Variants in SLC14A2 observed in about 807,000 individuals in gnomAD.
SLC14A2 encodes urea transporter 2.
Under a neutral mutation model 104.6 loss-of-function variants are expected in SLC14A2, and 91 were observed. The observed-to-expected ratio is 0.87, with a 90% confidence interval of 0.73 to 1.04. The LOEUF is 1.04. Ranked by LOEUF, SLC14A2 falls within the 50% of genes least tolerant of loss-of-function variation. SLC14A2 has a pLI of 0.00. For synonymous variants in SLC14A2, 476 were observed against 466.4 expected (o/e 1.02, Z -0.27); for missense variants, 1,189 against 1,156.0 (o/e 1.03, Z -0.41).
intron 9 of SLC14A2, among the ~76,000 whole-genome samples, chr18:45,643,557 G>A (rs2045568444): frequency 6.6e-6 from 1 of 152,174 alleles, no homozygotes; most frequent in South Asian, 2.1e-4. Context: ...TTGCAAGACA[G>A]GGTCTCGCAC....
At chr18:45,636,784 CA>C (rs369876380) in intron 5 of SLC14A2, among the ~76,000 whole-genome samples, 37 of 143,578 alleles carry the variant, frequency 2.6e-4, no homozygotes, top group African/African-American at 3.8e-4. Flanking sequence ...AATAAATTGG[CA>C]AAAAAAAAAG....
chr18:45,613,121 G>A (rs1010835391), upstream of SLC14A2, among the ~76,000 whole-genome samples: 3 of 152,088 alleles, frequency 2.0e-5, no homozygotes, highest in Non-Finnish European at 2.9e-5. Context: ...TGCAAGCTCC[G>A]CCTCCCAGGT....
chr18:45,624,579 C>T, intron 1 of SLC14A2, 52 bp from the exon 2 acceptor site: 1 of 1,408,080 alleles, frequency 7.1e-7, no homozygotes, highest in East Asian at 2.4e-5. Context: ...TCAGCCAAGT[C>T]CCTCTGGGCC....
chr18:45,622,332 C>G (rs1027816043), intron 1 of SLC14A2, among the ~76,000 whole-genome samples: 3 of 152,094 alleles, frequency 2.0e-5, no homozygotes, highest in Admixed American at 2.0e-4. Flanking sequence ...CCTGAGTTTT[C>G]TGAAGGAATG....
intron 1 of SLC14A2, among the ~76,000 whole-genome samples, chr18:45,260,414 G>A (rs1490209481): frequency 2.6e-5 from 4 of 152,148 alleles, no homozygotes; most frequent in Admixed American, 2.6e-4. Context: ...TTACCATGTT[G>A]CAAGTCAACT....
chr18:45,362,101 A>G (rs941761737), intron 1 of SLC14A2, among the ~76,000 whole-genome samples: 11 of 152,246 alleles, frequency 7.2e-5, no homozygotes, highest in Admixed American at 5.9e-4. Context: ...AGTTCTCACA[A>G]GATATCATGG....
the SLC14A2 span, among the ~76,000 whole-genome samples, chr18:45,190,961 A>G: frequency 6.6e-6 from 1 of 152,110 alleles, no homozygotes. Flanking sequence ...CCCTTGTTCC[A>G]GGTAGGGCAT....
At chr18:45,576,263 G>T (rs1399884828) in intron 2 of SLC14A2, among the ~76,000 whole-genome samples, 2 of 145,554 alleles carry the variant, frequency 1.4e-5, no homozygotes, top group African/African-American at 2.5e-5. Context: ...AAGGTGGCTG[G>T]AGCAGGGGCT....
chr18:45,386,699 G>A (rs778825302), intron 1 of SLC14A2, among the ~76,000 whole-genome samples: 28 of 152,196 alleles, frequency 1.8e-4, no homozygotes, highest in Non-Finnish European at 1.8e-4. Flanking sequence ...TGAGAGCATA[G>A]ACTTTGGGGC....
intron 1 of SLC14A2, among the ~76,000 whole-genome samples, chr18:45,396,240 C>A (rs2086028913): frequency 6.6e-6 from 1 of 152,066 alleles, no homozygotes; most frequent in African/African-American, 2.4e-5. Flanking sequence ...ATTTGTCATC[C>A]AATAGCTAGT....
In SLC14A2 at chr18:45,550,993, G is replaced by C. The variant is rs1039839531; in HGVS notation, c.-35+67671G>C. Among the ~76,000 whole-genome samples the C allele has an allele frequency of 2.6e-5, 4 of 152,294 alleles. No individual in the cohort carries two copies. In the South Asian group the frequency reaches 8.3e-4, roughly 32 times the overall value. The stretch of plus-strand genomic sequence containing the variant: ...ATAATCAGGAAGGCTTCATGGAGGA[G>C]GTGACATGAGCTGGGCTGTGAATTT... On this transcript the variant is annotated intron_variant, in intron 2 of 20. Transcript: ENST00000586448.
chr18:45,250,304 G>A (rs1336022911), intron 1 of SLC14A2, among the ~76,000 whole-genome samples: 8 of 152,068 alleles, frequency 5.3e-5, no homozygotes, highest in East Asian at 1.9e-4. Flanking sequence ...AAACACACAC[G>A]CATGCACACA....
At chr18:45,170,088 G>A in the SLC14A2 span, among the ~76,000 whole-genome samples, 2 of 152,156 alleles carry the variant, frequency 1.3e-5, no homozygotes, top group African/African-American at 2.4e-5. Flanking sequence ...CTTGAAGAAA[G>A]AACATGGAAA....
chr18:45,344,555 T>C (rs766673287), intron 1 of SLC14A2, among the ~76,000 whole-genome samples: 3 of 152,158 alleles, frequency 2.0e-5, no homozygotes, highest in Non-Finnish European at 4.4e-5. Context: ...GAGCAGGGTC[T>C]AGAAGGGTTC....
the SLC14A2 span, among the ~76,000 whole-genome samples, chr18:45,176,017 G>A: frequency 3.9e-5 from 6 of 152,102 alleles, no homozygotes; most frequent in African/African-American, 7.2e-5. Context: ...GTGAAGAAAC[G>A]GAATGGAGAA....
At position 45,637,164 on chromosome 18, in the gene SLC14A2, A is replaced by T. The variant is rs1456593332; in HGVS notation, c.825A>T (p.Thr275=). ...CTTCAGTGCCCAATATCACCTGGAC[A>T]GAGATGGAAATGCCCCTGGTAAGTT... is the stretch of plus-strand genomic sequence containing the variant. ...PVSSVPNITW[T]EMEMPLLLQA... The change falls in exon 6 of 20, where the codon ACA becomes ACT. Residue 275 remains threonine, a synonymous_variant. Transcript: ENST00000255226. 6 of 1,614,022 alleles carry T rather than the reference A, an allele frequency of 3.7e-6. No individual in the cohort carries two copies. The highest frequency in any genetic ancestry group is 5.1e-6 in the Non-Finnish European group (6 of 1,179,898).
chr18:45,461,342 A>G (rs1429660901), intron 1 of SLC14A2, among the ~76,000 whole-genome samples: 1 of 152,188 alleles, frequency 6.6e-6, no homozygotes. Context: ...GGATGAACCT[A>G]GGTGGATAGG....
At chr18:45,461,619 C>T (rs2087046796) in intron 1 of SLC14A2, among the ~76,000 whole-genome samples, 1 of 152,168 alleles carries the variant, frequency 6.6e-6, no homozygotes, top group Admixed American at 6.5e-5. Context: ...AATCCATGTG[C>T]ACAGTCAGAA....
At chr18:45,518,278 T>C (rs559752124) in intron 2 of SLC14A2, among the ~76,000 whole-genome samples, 2 of 152,340 alleles carry the variant, frequency 1.3e-5, no homozygotes, top group East Asian at 3.9e-4. Context: ...ACTTCACCTT[T>C]CATACCATTA....
Sources: allele counts gnomAD v4.1 joint callset (sites outside exome capture counted in the v4.1 genomes callset), GRCh38; gene constraint gnomAD v4.1.1; transcripts MANE v1.5; gene names NCBI Gene and HGNC (gene_info 2026-07-23, HGNC 2026-07-21).